The following ZPBP variants were observed in gnomAD, a reference collection of about 807,000 sequenced individuals.
The protein encoded by ZPBP is zona pellucida binding protein.
ZPBP carries 26 observed loss-of-function variants against 44.8 expected under a neutral mutation model. The observed-to-expected ratio is 0.58, with a 90% CI of 0.43 to 0.81. The LOEUF (loss-of-function observed/expected upper bound fraction) is 0.81, where lower values mean the gene tolerates loss of function less well. Ranked by LOEUF, ZPBP falls within the 30% of genes least tolerant of loss-of-function variation. The pLI is 0.00. For synonymous variants in ZPBP, 174 were observed against 153.2 expected (o/e 1.14, Z -1.00); for missense variants, 409 against 434.0 (o/e 0.94, Z 0.51).
chr7:49,869,739 G>A (rs543269666), intron 2 of ZPBP, among the ~76,000 whole-genome samples: 66 of 152,242 alleles, frequency 4.3e-4, no homozygotes, highest in Middle Eastern at 3.4e-3. Flanking sequence ...TTAAATCTAT[G>A]TCTACACTAT....
At chr7:50,052,651 A>G in intron 4 of ZPBP, among the ~76,000 whole-genome samples, 1 of 152,180 alleles carries the variant, frequency 6.6e-6, no homozygotes, top group South Asian at 2.1e-4. Context: ...CAATCCACAA[A>G]CGTCCATAGA....
At chr7:49,910,978 G>A (rs746583271) in intron 1 of ZPBP, among the ~76,000 whole-genome samples, 35 of 152,290 alleles carry the variant, frequency 2.3e-4, no homozygotes, top group South Asian at 4.1e-4. Context: ...AGCTGCCCTC[G>A]GAGGCCTGGA....
chr7:50,049,311 T>G (rs1800567458), intron 4 of ZPBP, among the ~76,000 whole-genome samples: 1 of 152,014 alleles, frequency 6.6e-6, no homozygotes, highest in East Asian at 1.9e-4. Context: ...CCCCAGCGCA[T>G]TCTATGAAGC....
chr7:49,896,627 CAATT>C (rs1792395733), intron 2 of ZPBP, among the ~76,000 whole-genome samples: 1 of 151,600 alleles, frequency 6.6e-6, no homozygotes, highest in South Asian at 2.1e-4. Context: ...AAAAGATCAA[CAATT>C]AAACACATAG....
At chr7:49,972,347 C>T (rs1257659890) in intron 7 of ZPBP, among the ~76,000 whole-genome samples, 2 of 151,792 alleles carry the variant, frequency 1.3e-5, no homozygotes, top group Non-Finnish European at 2.9e-5. Context: ...CCTCAAGATT[C>T]TAAAAAAAGC....
At chr7:49,855,828 T>C (rs7802037) in intron 2 of ZPBP, among the ~76,000 whole-genome samples, 100,313 of 151,954 alleles carry the variant, frequency 0.66, 34,247 homozygotes, top group East Asian at 0.88. Flanking sequence ...ACGGTGCACG[T>C]TAATTCCCAG....
chr7:49,980,130 A>C (rs1030974030), intron 7 of ZPBP, among the ~76,000 whole-genome samples: 3 of 106,546 alleles, frequency 2.8e-5, no homozygotes, highest in Non-Finnish European at 5.1e-5. Flanking sequence ...TATTATAATT[A>C]TATATTATAT....
At chr7:50,048,649 C>T (rs1186518666) in intron 4 of ZPBP, among the ~76,000 whole-genome samples, 2 of 151,662 alleles carry the variant, frequency 1.3e-5, no homozygotes, top group African/African-American at 4.8e-5. Flanking sequence ...AAAATGAAGA[C>T]AAAACATGCC....
intron 2 of ZPBP, among the ~76,000 whole-genome samples, chr7:49,853,574 T>A (rs1045663010): frequency 1.3e-5 from 2 of 151,990 alleles, no homozygotes; most frequent in African/African-American, 4.8e-5. Flanking sequence ...AACCCTATAA[T>A]GAGATTAAAT....
intron 2 of ZPBP, among the ~76,000 whole-genome samples, chr7:49,869,052 G>T (rs1042889440): frequency 2.6e-5 from 4 of 152,064 alleles, no homozygotes; most frequent in Admixed American, 2.6e-4. Context: ...TTTCTGAGTT[G>T]TAGGGAATTT....
intron 7 of ZPBP, among the ~76,000 whole-genome samples, chr7:49,973,251 G>C (rs908632989): frequency 6.6e-5 from 10 of 150,650 alleles, no homozygotes; most frequent in Non-Finnish European, 1.3e-4. Flanking sequence ...AGTGTCATCA[G>C]ACTTTCCCCC....
chr7:49,934,874 T>A (rs1423667207), downstream of ZPBP, among the ~76,000 whole-genome samples: 3 of 152,174 alleles, frequency 2.0e-5, no homozygotes, highest in Non-Finnish European at 2.9e-5. Context: ...AAACTGGGAA[T>A]TATATTTGCC....
At chr7:49,884,374 G>A (rs146458188) in intron 2 of ZPBP, among the ~76,000 whole-genome samples, 39 of 152,276 alleles carry the variant, frequency 2.6e-4, no homozygotes, top group African/African-American at 8.9e-4. Flanking sequence ...TGCTACAGCC[G>A]AGGAGAACAG....
intron 2 of ZPBP, among the ~76,000 whole-genome samples, chr7:49,861,030 G>C (rs971573685): frequency 6.6e-6 from 1 of 152,334 alleles, no homozygotes; most frequent in Non-Finnish European, 1.5e-5. Flanking sequence ...AACTAAGAAA[G>C]TAACTCTGTT....
intron 6 of ZPBP, among the ~76,000 whole-genome samples, chr7:50,003,318 C>T (rs1341529792): frequency 6.6e-6 from 1 of 152,092 alleles, no homozygotes; most frequent in Non-Finnish European, 1.5e-5. Flanking sequence ...TAGAAACTAG[C>T]TAAGAAGCTG....
chr7:49,885,702 T>TA (rs1274316109), intron 2 of ZPBP, among the ~76,000 whole-genome samples: 1 of 152,348 alleles, frequency 6.6e-6, no homozygotes, highest in African/African-American at 2.4e-5. Context: ...CAGGAATAGA[T>TA]ACAAGAGTCT....
rs181903837 is a variant in ZPBP at position 50,064,692 on chromosome 7, G to C, written c.335-6551C>G. Among the ~76,000 whole-genome samples, 222 of 152,326 alleles carry C rather than the reference G, an allele frequency of 1.5e-3. 2 individuals carry two copies. Among genetic ancestry groups the C allele is most frequent in the African/African-American group, 5.2e-3 (216 of 41,570 alleles). On this transcript the variant is annotated intron_variant, in intron 3 of 7. Coordinates refer to ENST00000046087, the MANE Select transcript of ZPBP (RefSeq NM_007009.3). ...GTTCCGCCCAGCTCGCCAGCGGTCA[G>C]AGTTTAAGGTTATCTCTCTTATTCC...
chr7:50,093,227 G>A lies in ZPBP; in HGVS notation c.-33C>T, dbSNP rs1039689225. The A allele has an allele frequency of 2.1e-5, 31 of 1,498,488 alleles. No individual in the cohort carries two copies. The African/African-American group carries it at 3.9e-4, about 19-fold the overall frequency. 92.8% of individuals were successfully genotyped at this position (1,498,488 alleles called of 1,614,324 possible). ...CCGCCGTCGCCTGCCCACCGTCCGC[G>A]CGGAAGGTCGTTAGGCAACGCGCGC... On this transcript the variant is annotated 5_prime_UTR_variant, in exon 1 of 8. Transcript: ENST00000046087.
At chr7:49,947,284 G>A (rs144398782) in intron 7 of ZPBP, among the ~76,000 whole-genome samples, 1 of 152,250 alleles carries the variant, frequency 6.6e-6, no homozygotes, top group African/African-American at 2.4e-5. Flanking sequence ...GCATTGAAGA[G>A]TCAGGTATTT....
Sources: gnomAD v4.1 joint callset for allele counts (sites outside exome capture counted in the v4.1 genomes callset) on GRCh38, gnomAD v4.1.1 for gene constraint, MANE v1.5 for transcripts, NCBI Gene and HGNC (gene_info 2026-07-23, HGNC 2026-07-21) for gene names.